WNT3A: variants seen among roughly 807,000 people sequenced by gnomAD.
WNT3A encodes protein Wnt-3a.
A neutral mutation model predicts 37.0 loss-of-function variants in WNT3A; 17 were observed. The observed-to-expected ratio is 0.46, with a 90% CI of 0.31 to 0.69. WNT3A has a LOEUF of 0.69. Ranked by LOEUF, WNT3A falls within the 30% of genes least tolerant of loss-of-function variation. The pLI is 0.05. For synonymous variants in WNT3A, 187 were observed against 211.0 expected (o/e 0.89, Z 0.99); for missense variants, 411 against 510.2 (o/e 0.81, Z 1.87).
At chr1:228,015,997 G>A (rs924400307) in intron 1 of WNT3A, among the ~76,000 whole-genome samples, 5 of 152,172 alleles carry the variant, frequency 3.3e-5, no homozygotes, top group African/African-American at 1.2e-4. Context: ...CTGACAGCCA[G>A]TGCTCAGGGT....
chr1:228,024,044 C>T (rs1418714466), intron 2 of WNT3A, among the ~76,000 whole-genome samples: 9 of 152,216 alleles, frequency 5.9e-5, no homozygotes, highest in African/African-American at 1.4e-4. Flanking sequence ...CTGGTTTATT[C>T]GTTCTTCAGG....
In WNT3A at chr1:228,007,513, C is replaced by T. The variant is rs1456542233; in HGVS notation, c.71+314C>T. Reference sequence around the variant, plus strand: ...GGGAGAGGCTGAAAGAAGGTCGGCACGCACGGTCACCGAGGGGACAGGCAG... The same window carrying T: ...GGGAGAGGCTGAAAGAAGGTCGGCATGCACGGTCACCGAGGGGACAGGCAG... On this transcript the variant is annotated intron_variant, in intron 1 of 3. Coordinates refer to ENST00000284523, the MANE Select transcript of WNT3A (RefSeq NM_033131.4). This position sits in a 1 kb window ranked among gnomAD's most constrained non-coding sequence, Gnocchi z 6.0. 1.3e-5 allele frequency among the ~76,000 whole-genome samples: 2 copies of T among 152,108 alleles called. No individual in the cohort carries two copies. Among genetic ancestry groups the T allele is most frequent in the East Asian group, 3.9e-4 (2 of 5,180 alleles).
At chr1:228,045,659 G>T (rs933311995) in intron 2 of WNT3A, among the ~76,000 whole-genome samples, 18 of 152,344 alleles carry the variant, frequency 1.2e-4, no homozygotes, top group African/African-American at 4.3e-4. Context: ...GAACTGATCA[G>T]TTGTGTTAGG....
rs1244920430 is a variant in WNT3A, at chr1:228,042,026, T to C, written c.314-8630T>C. ...ATGGAGTCTCCCTCTGTTGCCAGGC[T>C]GGAGTGCAGTGGTGTGACCTCGGCT... On this transcript the variant is annotated intron_variant, in intron 2 of 3. Coordinates refer to ENST00000284523, the MANE Select transcript of WNT3A (RefSeq NM_033131.4). This position sits in a 1 kb window ranked among gnomAD's most constrained non-coding sequence, Gnocchi z 5.2. Among the ~76,000 whole-genome samples, 1 of 152,222 alleles carries C rather than the reference T, an allele frequency of 6.6e-6. No homozygotes were observed. The highest frequency in any genetic ancestry group is 1.5e-5 in the Non-Finnish European group (1 of 68,040).
At chr1:228,026,688 C>T (rs2030861497) in intron 2 of WNT3A, among the ~76,000 whole-genome samples, 1 of 152,152 alleles carries the variant, frequency 6.6e-6, no homozygotes, top group South Asian at 2.1e-4. Flanking sequence ...GCTTAGCTCC[C>T]ACTTATAAGT....
At position 228,007,794 on chromosome 1, in the gene WNT3A, C is replaced by T. The variant is rs999997049; in HGVS notation, c.71+595C>T. Among the ~76,000 whole-genome samples, 1 of 152,028 alleles carries T rather than the reference C, an allele frequency of 6.6e-6. No individual in the cohort carries two copies. The highest frequency in any genetic ancestry group is 6.5e-5 in the Admixed American group (1 of 15,270). On this transcript the variant is annotated intron_variant, in intron 1 of 3. Coordinates refer to ENST00000284523, the MANE Select transcript of WNT3A (RefSeq NM_033131.4). This position sits in a 1 kb window ranked among gnomAD's most constrained non-coding sequence, Gnocchi z 6.0. ...GCGCGCCTCCCCGCCGCAGTCCGGGCACGGGGGTTTCCAGGGGCCCTCTCT... is the reference window on the plus strand; with the variant it reads ...GCGCGCCTCCCCGCCGCAGTCCGGGTACGGGGGTTTCCAGGGGCCCTCTCT...
In WNT3A at chr1:228,008,665, C is replaced by T. The variant is rs748538274; in HGVS notation, c.71+1466C>T. On this transcript the variant is annotated intron_variant, in intron 1 of 3. Transcript: ENST00000284523. This position sits in a 1 kb window ranked among gnomAD's most constrained non-coding sequence, Gnocchi z 4.9. The stretch of plus-strand genomic sequence containing the variant: ...GACGGCCGCAGGGAGCCAGGGGCAG[C>T]GCGTCCGTCCGAGAGAGCCCCGAGG... Among the ~76,000 whole-genome samples the T allele has an allele frequency of 3.9e-5, 6 of 152,176 alleles. No individual in the cohort carries two copies. Among genetic ancestry groups the T allele is most frequent in the Non-Finnish European group, 5.9e-5 (4 of 68,024 alleles).
At chr1:228,016,197 C>A (rs927891409) in intron 1 of WNT3A, among the ~76,000 whole-genome samples, 8 of 152,122 alleles carry the variant, frequency 5.3e-5, no homozygotes, top group African/African-American at 1.9e-4. Context: ...AGGGAGCCCC[C>A]AAGGACCCTC....
At position 228,060,215 on chromosome 1, in the gene WNT3A, A is replaced by C; in HGVS notation, c.*750A>C. ...TGGCTTCTGCAGGAATCCCGGCTCC[A>C]GAGCAGGAAATTCAGCCCACCAGCC... On this transcript the variant is annotated 3_prime_UTR_variant, in exon 4 of 4. Coordinates refer to ENST00000284523, the MANE Select transcript of WNT3A (RefSeq NM_033131.4). 7.4e-7 allele frequency: 1 copy of C among 1,351,774 alleles called. No individual in the cohort carries two copies. The highest frequency in any genetic ancestry group is 9.8e-7 in the Non-Finnish European group (1 of 1,021,524). 83.7% of individuals were successfully genotyped at this position (1,351,774 alleles called of 1,614,324 possible).
rs1024013433 is a variant in WNT3A, at chr1:228,031,651, G to A, written c.313+8743G>A. 1.8e-4 allele frequency among the ~76,000 whole-genome samples: 28 copies of A among 152,212 alleles called. No homozygotes were observed. The highest frequency in any genetic ancestry group is 6.5e-4 in the African/African-American group (27 of 41,522). ...TAGTGAATGTGTATGTGGTTTGGTGGATACATGTGCCTGTGCATGGGTGTA... is the reference window on the plus strand; with the variant it reads ...TAGTGAATGTGTATGTGGTTTGGTGAATACATGTGCCTGTGCATGGGTGTA... On this transcript the variant is annotated intron_variant, in intron 2 of 3. Coordinates refer to ENST00000284523, the MANE Select transcript of WNT3A (RefSeq NM_033131.4). This position sits in a 1 kb window ranked among gnomAD's most constrained non-coding sequence, Gnocchi z 4.8.
At position 228,042,809 on chromosome 1, in the gene WNT3A, T is replaced by C. The variant is rs1386178914; in HGVS notation, c.314-7847T>C. Reference sequence around the variant, plus strand: ...ATGATGGATAGATGTGGATGATGGATGGATGGATAATGGATGATGGATGGA... The same window carrying C: ...ATGATGGATAGATGTGGATGATGGACGGATGGATAATGGATGATGGATGGA... On this transcript the variant is annotated intron_variant, in intron 2 of 3. Transcript: ENST00000284523. This position sits in a 1 kb window ranked among gnomAD's most constrained non-coding sequence, Gnocchi z 5.2. Among the ~76,000 whole-genome samples the C allele has an allele frequency of 6.6e-6, 1 of 151,476 alleles. No individual in the cohort carries two copies. The highest frequency in any genetic ancestry group is 1.5e-5 in the Non-Finnish European group (1 of 67,868).
Position 228,050,353 on chromosome 1 carries a change from A to G in WNT3A, c.314-303A>G, listed in dbSNP as rs1251483551. 6.6e-6 allele frequency among the ~76,000 whole-genome samples: 1 copy of G among 152,188 alleles called. No homozygotes were observed. Among genetic ancestry groups the G allele is most frequent in the African/African-American group, 2.4e-5 (1 of 41,454 alleles). ...AGTTGCTTGTTAAAAAGAGCCTGGT[A>G]CCAACCTCCCCTCTCTCACTTCTGT... On this transcript the variant is annotated intron_variant, in intron 2 of 3. Coordinates refer to ENST00000284523, the MANE Select transcript of WNT3A (RefSeq NM_033131.4). The surrounding 1 kb of genome is among the most constrained non-coding windows in gnomAD (Gnocchi z 5.0).
chr1:228,014,760 C>A (rs78068586), intron 1 of WNT3A, among the ~76,000 whole-genome samples: 3,200 of 152,368 alleles, frequency 0.021, 99 homozygotes, highest in African/African-American at 0.073. Context: ...CTGGGCCAGC[C>A]TCCTTCTTCC....
chr1:228,061,128 G>C lies in WNT3A; in HGVS notation c.*1663G>C, dbSNP rs542741046. ...CTGTGAACCGGCTCCCACCCTCAAG[G>C]TGCGGGGAGAAGAAGCGGCCAGGCG... On this transcript the variant is annotated 3_prime_UTR_variant, in exon 4 of 4. Transcript: ENST00000284523. 6.5e-6 allele frequency: 1 copy of C among 152,710 alleles called. No individual in the cohort carries two copies. The highest frequency in any genetic ancestry group is 2.4e-5 in the African/African-American group (1 of 41,458). The allele number at this position is 152,710 out of a possible 1,614,324, so 9.5% of individuals were successfully genotyped here.
rs1571787575 is a variant in WNT3A, at chr1:228,007,214, T to A, written c.71+15T>A. On this transcript the variant is annotated intron_variant, in intron 1 of 3. Coordinates refer to ENST00000284523, the MANE Select transcript of WNT3A (RefSeq NM_033131.4). This position sits in a 1 kb window ranked among gnomAD's most constrained non-coding sequence, Gnocchi z 6.0. ...CCGATCTGGTGGTGAGTGAGCCTCC[T>A]CGCGTTCGCCCCTGCCCCTGTGCGC... The A allele has an allele frequency of 6.3e-7, 1 of 1,597,486 alleles. No homozygotes were observed. Among genetic ancestry groups the A allele is most frequent in the Non-Finnish European group, 8.5e-7 (1 of 1,172,594 alleles).
intron 2 of WNT3A, among the ~76,000 whole-genome samples, chr1:228,045,979 C>G (rs1208097747): frequency 6.6e-6 from 1 of 152,242 alleles, no homozygotes; most frequent in East Asian, 1.9e-4. Flanking sequence ...GGGAGGGAGT[C>G]AGTGGGCAAA....
chr1:228,023,944 A>T (rs767981936), intron 2 of WNT3A, among the ~76,000 whole-genome samples: 8 of 152,172 alleles, frequency 5.3e-5, no homozygotes, highest in Non-Finnish European at 1.0e-4. Context: ...TTTTTCACTG[A>T]GTGTGTTGAT....
At position 228,050,383 on chromosome 1, in the gene WNT3A, A is replaced by G. The variant is rs1052312689; in HGVS notation, c.314-273A>G. ...CCTCCCCTCTCTCACTTCTGTCACC[A>G]TGTAATTTCTTGCACACACTGGTTC... is the stretch of plus-strand genomic sequence containing the variant. On this transcript the variant is annotated intron_variant, in intron 2 of 3. Coordinates refer to ENST00000284523, the MANE Select transcript of WNT3A (RefSeq NM_033131.4). This position sits in a 1 kb window ranked among gnomAD's most constrained non-coding sequence, Gnocchi z 5.0. Among the ~76,000 whole-genome samples, 3 of 152,108 alleles carry G rather than the reference A, an allele frequency of 2.0e-5. No individual in the cohort carries two copies. Among genetic ancestry groups the G allele is most frequent in the African/African-American group, 7.2e-5 (3 of 41,412 alleles).
rs1464134372 is a variant in WNT3A at position 228,060,988 on chromosome 1, T to TGGCCC, written c.*1529_*1533dup. 1.3e-5 allele frequency: 2 copies of TGGCCC among 152,552 alleles called. No homozygotes were observed. Among genetic ancestry groups the TGGCCC allele is most frequent in the Non-Finnish European group, 2.9e-5 (2 of 68,100 alleles). The allele number at this position is 152,552 out of a possible 1,614,324, so 9.4% of individuals were successfully genotyped here. Reference sequence around the variant, plus strand: ...AAATGGTCCGCTTTCCTGGAGCCAATGGCCCGGCCCCTCCTGACTCATCCG... The same window carrying TGGCCC: ...AAATGGTCCGCTTTCCTGGAGCCAATGGCCCGGCCCGGCCCCTCCTGACTCATCCG... On this transcript the variant is annotated 3_prime_UTR_variant, in exon 4 of 4. Transcript: ENST00000284523.
Sources: allele counts gnomAD v4.1 joint callset (sites outside exome capture counted in the v4.1 genomes callset), GRCh38; gene constraint gnomAD v4.1.1; non-coding constraint Gnocchi (gnomAD v3.1); transcripts MANE v1.5; gene names NCBI Gene and HGNC (gene_info 2026-07-23, HGNC 2026-07-21).